LRRTM4: variants seen among roughly 807,000 people sequenced by gnomAD.
LRRTM4 encodes leucine-rich repeat transmembrane neuronal protein 4.
In LRRTM4, 25 loss-of-function variants were observed where a neutral mutation model predicts 47.6. That is an observed-to-expected ratio of 0.53 (90% CI 0.38 to 0.73). The LOEUF (loss-of-function observed/expected upper bound fraction) is 0.73. Ranked by LOEUF, LRRTM4 falls within the 30% of genes least tolerant of loss-of-function variation. The pLI is 0.00. For missense variants in LRRTM4, 638 were observed against 713.4 expected (o/e 0.89, Z 1.20); for synonymous variants, 311 against 269.5 (o/e 1.15, Z -1.51).
At chr2:76,894,473 T>G (rs1490213875) in intron 3 of LRRTM4, among the ~76,000 whole-genome samples, 2 of 152,054 alleles carry the variant, frequency 1.3e-5, no homozygotes, top group African/African-American at 4.8e-5. Context: ...TAAATTTGTT[T>G]GTAATCACTT....
At chr2:76,890,926 T>C (rs981771646) in intron 3 of LRRTM4, among the ~76,000 whole-genome samples, 2 of 151,596 alleles carry the variant, frequency 1.3e-5, no homozygotes, top group Non-Finnish European at 2.9e-5. Flanking sequence ...TGGAGGAAAA[T>C]CACACCCAGA....
intron 3 of LRRTM4, among the ~76,000 whole-genome samples, chr2:76,964,017 ATATAT>A (rs1353408162): frequency 2.6e-5 from 4 of 150,994 alleles, no homozygotes; most frequent in Non-Finnish European, 5.9e-5. Context: ...ACAATCAGAA[ATATAT>A]TATCAAATTT....
chr2:77,492,720 G>A (rs1380395231), intron 3 of LRRTM4, among the ~76,000 whole-genome samples: 1 of 152,076 alleles, frequency 6.6e-6, no homozygotes, highest in Non-Finnish European at 1.5e-5. Context: ...AAGAATCAAG[G>A]TATAAGGATA....
At chr2:77,450,308 C>G (rs949173155) in intron 3 of LRRTM4, among the ~76,000 whole-genome samples, 2 of 150,992 alleles carry the variant, frequency 1.3e-5, no homozygotes, top group Non-Finnish European at 3.0e-5. Context: ...CACACACACA[C>G]AAACACAGAC....
intron 3 of LRRTM4, among the ~76,000 whole-genome samples, chr2:76,917,420 G>C (rs1674290012): frequency 1.3e-5 from 2 of 152,044 alleles, no homozygotes; most frequent in African/African-American, 4.8e-5. Flanking sequence ...CATCTCCATT[G>C]GAGGAGTTAA....
intron 3 of LRRTM4, among the ~76,000 whole-genome samples, chr2:76,938,190 G>C (rs1365480221): frequency 6.6e-6 from 1 of 151,818 alleles, no homozygotes; most frequent in Non-Finnish European, 1.5e-5. Context: ...ACATTTATCT[G>C]TTCTCAATCC....
chr2:76,755,330 C>T (rs1165059429), intron 3 of LRRTM4, among the ~76,000 whole-genome samples: 2 of 152,112 alleles, frequency 1.3e-5, no homozygotes, highest in African/African-American at 4.8e-5. Flanking sequence ...TATTTTACAA[C>T]ACTATTTTGA....
At chr2:76,849,930 G>T (rs1219076682) in intron 3 of LRRTM4, among the ~76,000 whole-genome samples, 1 of 152,104 alleles carries the variant, frequency 6.6e-6, no homozygotes, top group Non-Finnish European at 1.5e-5. Flanking sequence ...AAAGATGATT[G>T]GTAGTTGATT....
At chr2:76,981,579 C>G (rs899796715) in intron 3 of LRRTM4, among the ~76,000 whole-genome samples, 1 of 152,056 alleles carries the variant, frequency 6.6e-6, no homozygotes, top group Non-Finnish European at 1.5e-5. Context: ...ACTGCAGCCT[C>G]AAACTCCTGG....
intron 3 of LRRTM4, among the ~76,000 whole-genome samples, chr2:77,213,233 A>C (rs1166571415): frequency 6.6e-6 from 1 of 152,152 alleles, no homozygotes; most frequent in Non-Finnish European, 1.5e-5. Flanking sequence ...AAAGTAGGGA[A>C]GTGTGGTCTT....
chr2:77,194,773 T>G (rs1236588280), intron 3 of LRRTM4, among the ~76,000 whole-genome samples: 2 of 152,056 alleles, frequency 1.3e-5, no homozygotes, highest in African/African-American at 4.8e-5. Context: ...TGCTCTTCTG[T>G]ATCTACAGAA....
intron 3 of LRRTM4, among the ~76,000 whole-genome samples, chr2:76,995,441 C>G (rs1481050779): frequency 6.6e-6 from 1 of 151,980 alleles, no homozygotes; most frequent in African/African-American, 2.4e-5. Flanking sequence ...ATATAGCTAT[C>G]TCAGTGAACA....
At chr2:77,071,793 C>G (rs1573529795) in intron 3 of LRRTM4, among the ~76,000 whole-genome samples, 1 of 152,132 alleles carries the variant, frequency 6.6e-6, no homozygotes, top group East Asian at 1.9e-4. Context: ...CAAGAATATA[C>G]AGTATCTGTT....
intron 3 of LRRTM4, chr2:77,517,041 T>C (rs529557131): frequency 7.3e-5 from 72 of 984,782 alleles, no homozygotes; most frequent in Non-Finnish European, 8.6e-5. Context: ...AAACATTATA[T>C]TGCCAGAATT....
intron 3 of LRRTM4, among the ~76,000 whole-genome samples, chr2:77,052,095 G>T (rs928971584): frequency 9.0e-5 from 13 of 143,668 alleles, no homozygotes; most frequent in Admixed American, 8.3e-4. Flanking sequence ...AAAAACAAAG[G>T]AATACAAAAG....
intron 3 of LRRTM4, among the ~76,000 whole-genome samples, chr2:77,425,103 T>C (rs1675055180): frequency 6.6e-6 from 1 of 152,180 alleles, no homozygotes; most frequent in Admixed American, 6.6e-5. Context: ...AGGAATTTGG[T>C]ATTTAACAAT....
intron 3 of LRRTM4, among the ~76,000 whole-genome samples, chr2:76,950,206 A>G (rs1675451824): frequency 6.6e-6 from 1 of 152,004 alleles, no homozygotes; most frequent in African/African-American, 2.4e-5. Flanking sequence ...AGAAAACAAG[A>G]GCAACCACCA....
intron 3 of LRRTM4, among the ~76,000 whole-genome samples, chr2:76,947,565 T>G (rs963909427): frequency 2.0e-5 from 3 of 151,784 alleles, no homozygotes; most frequent in Admixed American, 6.6e-5. Flanking sequence ...TATCTAACCC[T>G]TTTTTGTAGG....
intron 3 of LRRTM4, among the ~76,000 whole-genome samples, chr2:77,423,715 T>A (rs550003578): frequency 6.6e-6 from 1 of 152,246 alleles, no homozygotes; most frequent in East Asian, 1.9e-4. Flanking sequence ...ACTTCCAACT[T>A]CTCAACAGTC....
Sources: allele counts gnomAD v4.1 joint callset (sites outside exome capture counted in the v4.1 genomes callset), GRCh38; gene constraint gnomAD v4.1.1; transcripts MANE v1.5; gene names NCBI Gene and HGNC (gene_info 2026-07-23, HGNC 2026-07-21).